The following PLA2R1 variants were observed in gnomAD, a reference collection of about 807,000 sequenced individuals.
PLA2R1 encodes the protein phospholipase A2 receptor 1.
Under a neutral mutation model 195.9 loss-of-function variants are expected in PLA2R1, and 158 were observed. That is an observed-to-expected ratio of 0.81 (90% confidence interval 0.71 to 0.92). PLA2R1 has a LOEUF of 0.92. Among genes scored for constraint, PLA2R1 ranks in the 40% least tolerant of loss-of-function variants. The pLI, the probability that PLA2R1 is intolerant of heterozygous loss-of-function variation, is 0.00. For synonymous variants in PLA2R1, 586 were observed against 598.2 expected, an observed-to-expected ratio of 0.98 and a Z score of 0.30; for missense variants, 1,626 against 1,764.6, an observed-to-expected ratio of 0.92 and a Z score of 1.41.
At chr2:159,931,152 A>G (rs1485601941), downstream of PLA2R1, among the ~76,000 whole-genome samples, 3 of 152,204 alleles carry the variant, frequency 2.0e-5, no homozygotes, top group African/African-American at 7.2e-5. Context: ...GGGTTCCCTC[A>G]TACGCTTAGC....
At chr2:159,945,311 C>T (rs1047973689) in intron 27 of PLA2R1, among the ~76,000 whole-genome samples, 4 of 151,896 alleles carry the variant, frequency 2.6e-5, no homozygotes, top group Admixed American at 6.6e-5. Context: ...ACTCGTCATC[C>T]AGCATTAGGT....
intron 9 of PLA2R1, 135 bp downstream of exon 9, chr2:160,016,479 G>GC (rs796282213): frequency 1.9e-5 from 5 of 257,288 alleles, no homozygotes; most frequent in Admixed American, 1.2e-4. Context: ...GAAGGGGGGG[G>GC]TGCGAGGAGA....
At chr2:159,966,061 G>A (rs1470291223) in intron 20 of PLA2R1, among the ~76,000 whole-genome samples, 1 of 152,028 alleles carries the variant, frequency 6.6e-6, no homozygotes, top group Non-Finnish European at 1.5e-5. Context: ...TGTAAAATGA[G>A]GATAGTAATT....
chr2:159,970,446 AC>A (rs1689083800), intron 17 of PLA2R1, among the ~76,000 whole-genome samples: 1 of 152,228 alleles, frequency 6.6e-6, no homozygotes, highest in African/African-American at 2.4e-5. Flanking sequence ...TTAGTTTCAT[AC>A]AACTTGAAAA....
At chr2:159,953,779 G>A (rs1392708177) in intron 23 of PLA2R1, among the ~76,000 whole-genome samples, 1 of 152,168 alleles carries the variant, frequency 6.6e-6, no homozygotes, top group Non-Finnish European at 1.5e-5. Flanking sequence ...TCAAGGTAGT[G>A]GAATAGAATC....
At chr2:159,951,312 G>A in intron 24 of PLA2R1, 28 bp downstream of exon 24, 1 of 1,230,300 alleles carries the variant, frequency 8.1e-7, no homozygotes, top group Non-Finnish European at 1.2e-6. Flanking sequence ...ATTATTCAAG[G>A]ATGTCTCAAG....
In PLA2R1 at chr2:159,937,385, A is replaced by C. The variant is rs1040299329; in HGVS notation, c.*4393T>G. The C allele has an allele frequency of 6.6e-5, 10 of 152,246 alleles. No individual in the cohort carries two copies. Among genetic ancestry groups the C allele is most frequent in the Non-Finnish European group, 1.2e-4 (8 of 68,034 alleles). 9.4% of individuals were successfully genotyped at this position (152,246 alleles called of 1,614,324 possible). On this transcript the variant is annotated 3_prime_UTR_variant, in exon 30 of 30. Coordinates refer to ENST00000283243, the MANE Select transcript of PLA2R1 (RefSeq NM_007366.5). ...GCTTTAATCAGAACACAAGAGCAGCAGATTTAGTTCATTCAATTAATACAA... is the reference window on the plus strand; with the variant it reads ...GCTTTAATCAGAACACAAGAGCAGCCGATTTAGTTCATTCAATTAATACAA...
intron 12 of PLA2R1, among the ~76,000 whole-genome samples, chr2:159,985,918 A>C (rs748819638): frequency 3.3e-5 from 5 of 152,048 alleles, no homozygotes; most frequent in Non-Finnish European, 7.4e-5. Flanking sequence ...AACTGTCCTT[A>C]TCCCTCCTAG....
chr2:159,976,296 A>G (rs1408535509), intron 16 of PLA2R1, 71 bp from the exon 17 acceptor site: 1 of 1,033,126 alleles, frequency 9.7e-7, no homozygotes, highest in Non-Finnish European at 1.4e-6. Flanking sequence ...CAAATTTGAG[A>G]TTTGGTCACT....
chr2:159,955,925 G>A (rs781475539), intron 21 of PLA2R1, 97 bp from the exon 22 acceptor site: 1 of 671,172 alleles, frequency 1.5e-6, no homozygotes, highest in South Asian at 2.3e-5. Context: ...TTAAATGCCA[G>A]CAAAACATAA....
At chr2:160,027,719 G>A (rs1693611978) in intron 6 of PLA2R1, among the ~76,000 whole-genome samples, 1 of 152,076 alleles carries the variant, frequency 6.6e-6, no homozygotes, top group Non-Finnish European at 1.5e-5. Flanking sequence ...TGGACTTCTG[G>A]TACTAGACTG....
At position 159,945,779 on chromosome 2, in the gene PLA2R1, A is replaced by G; in HGVS notation, c.3968-697T>C. 4.1e-6 allele frequency: 4 copies of G among 982,768 alleles called. No homozygotes were observed. The South Asian group carries it at 1.4e-4, about 35-fold the overall frequency. 60.9% of individuals were successfully genotyped at this position (982,768 alleles called of 1,614,324 possible). On this transcript the variant is annotated intron_variant, in intron 27 of 29. Coordinates refer to ENST00000283243, the MANE Select transcript of PLA2R1 (RefSeq NM_007366.5). ...AACTAATACATTCAACTCAGTAAAT[A>G]CAGTGATGTACTCAACATCAAAAGG...
At chr2:159,931,453 G>A (rs996407401), downstream of PLA2R1, among the ~76,000 whole-genome samples, 5 of 152,194 alleles carry the variant, frequency 3.3e-5, no homozygotes, top group African/African-American at 1.2e-4. Context: ...AAGCTTGCTA[G>A]AGTCCAGGAG....
chr2:159,952,342 C>A (rs937792653), intron 23 of PLA2R1, among the ~76,000 whole-genome samples: 1 of 152,118 alleles, frequency 6.6e-6, no homozygotes, highest in African/African-American at 2.4e-5. Flanking sequence ...TTTCTGTTTA[C>A]ATAGAACATA....
At chr2:160,020,677 T>C (rs1035468479) in intron 7 of PLA2R1, among the ~76,000 whole-genome samples, 1 of 152,202 alleles carries the variant, frequency 6.6e-6, no homozygotes, top group African/African-American at 2.4e-5. Flanking sequence ...TGATGCCCTG[T>C]GCCACCATGG....
At chr2:160,024,823 AC>A (rs1322356809) in intron 6 of PLA2R1, among the ~76,000 whole-genome samples, 1 of 151,954 alleles carries the variant, frequency 6.6e-6, no homozygotes, top group Admixed American at 6.6e-5. Flanking sequence ...CTGCTGAGGC[AC>A]CCCACCTTCC....
At chr2:160,035,024 G>A (rs1694088344) in intron 3 of PLA2R1, among the ~76,000 whole-genome samples, 1 of 152,130 alleles carries the variant, frequency 6.6e-6, no homozygotes, top group South Asian at 2.1e-4. Context: ...TCAGGCTATG[G>A]GTATAATGTA....
At position 159,940,343 on chromosome 2, in the gene PLA2R1, G is replaced by T. The variant is rs994913832; in HGVS notation, c.*1435C>A. ...ATTTTCCCTCATTAGAAAATAAGTG[G>T]CATGAAAAGATAGCCCTTACCCCAA... is the stretch of plus-strand genomic sequence containing the variant. On this transcript the variant is annotated 3_prime_UTR_variant, in exon 30 of 30. Transcript: ENST00000283243. 6.6e-6 allele frequency: 1 copy of T among 152,130 alleles called. No homozygotes were observed. The highest frequency in any genetic ancestry group is 2.4e-5 in the African/African-American group (1 of 41,406). 9.4% of individuals were successfully genotyped at this position (152,130 alleles called of 1,614,324 possible).
At chr2:160,060,245 TGTGGTACA>T (rs1359690039) in intron 1 of PLA2R1, among the ~76,000 whole-genome samples, 1 of 152,210 alleles carries the variant, frequency 6.6e-6, no homozygotes, top group Non-Finnish European at 1.5e-5. Context: ...AGTGAGTCAA[TGTGGTACA>T]GTGAACACAG....
Sources: allele counts gnomAD v4.1 joint callset (sites outside exome capture counted in the v4.1 genomes callset), GRCh38; gene constraint gnomAD v4.1.1; transcripts MANE v1.5; gene names NCBI Gene and HGNC (gene_info 2026-07-23, HGNC 2026-07-21).